The following SCN1A variants were observed in gnomAD, a reference collection of about 807,000 sequenced individuals.
The protein encoded by SCN1A is sodium voltage-gated channel alpha subunit 1.
A neutral mutation model predicts 193.7 loss-of-function variants in SCN1A; 13 were observed. That is an observed-to-expected ratio of 0.07 (90% CI 0.04 to 0.11). SCN1A has a LOEUF of 0.11. Ranked by LOEUF, SCN1A falls within the 10% of genes least tolerant of loss-of-function variation. The pLI is 1.00. For missense variants in SCN1A, 1,432 were observed against 2,451.1 expected (o/e 0.58, Z 8.78); for synonymous variants, 781 against 843.6 (o/e 0.93, Z 1.29).
chr2:166,074,173 T>C (rs991929435), intron 3 of SCN1A, among the ~76,000 whole-genome samples: 1 of 152,216 alleles, frequency 6.6e-6, no homozygotes, highest in Non-Finnish European at 1.5e-5. Context: ...AAATAGTTAT[T>C]GCTGTCTTGA....
intron 3 of SCN1A, among the ~76,000 whole-genome samples, chr2:166,076,007 A>AT (rs1350753446): frequency 2.6e-5 from 4 of 151,296 alleles, no homozygotes; most frequent in Admixed American, 2.0e-4. Context: ...TTTTCCTTCT[A>AT]TTTTTTTCAA....
chr2:166,003,940 C>G lies in SCN1A; in HGVS notation c.4003-1187G>C, dbSNP rs140971715. On this transcript the variant is annotated intron_variant, in intron 23 of 28. Transcript: ENST00000674923. ...ATCCCTGTTTAAAGCCTGTAAAGAACTCTAGGCCTTCTGGGGAACATAAAA... is the reference window on the plus strand; with the variant it reads ...ATCCCTGTTTAAAGCCTGTAAAGAAGTCTAGGCCTTCTGGGGAACATAAAA... 6.6e-5 allele frequency among the ~76,000 whole-genome samples: 10 copies of G among 151,084 alleles called. No homozygotes were observed. The East Asian group carries it at 2.0e-3, about 30-fold the overall frequency.
chr2:166,112,400 C>T, intron 2 of SCN1A, among the ~76,000 whole-genome samples: 1 of 152,216 alleles, frequency 6.6e-6, no homozygotes, highest in Admixed American at 6.5e-5. Flanking sequence ...TTTTTTTCAA[C>T]ATAATACTAT....
chr2:166,056,621 G>A (rs1699167947), intron 5 of SCN1A, 121 bp from the exon 6 acceptor site: 2 of 721,206 alleles, frequency 2.8e-6, no homozygotes, highest in Non-Finnish European at 5.1e-6. Flanking sequence ...ATGCATTGTG[G>A]GCAAGTCTTC....
rs1010116529 is a variant in SCN1A at position 166,096,283 on chromosome 2, C to CT, written c.-141-18483dup. Among the ~76,000 whole-genome samples, 53 of 149,162 alleles carry CT rather than the reference C, an allele frequency of 3.6e-4. 1 individual carries two copies. The highest frequency in any genetic ancestry group is 1.4e-3 in the Admixed American group (21 of 14,894). ...GTTGGAAATCAGGGATGAAAAATCACTTTTTTTTTTGGTTGTTGTTACAGA... is the reference window on the plus strand; with the variant it reads ...GTTGGAAATCAGGGATGAAAAATCACTTTTTTTTTTTGGTTGTTGTTACAGA... On this transcript the variant is annotated intron_variant, in intron 2 of 28. Coordinates refer to ENST00000674923, the MANE Select transcript of SCN1A (RefSeq NM_001165963.4).
At chr2:166,075,082 A>AAT (rs1684858721) in intron 3 of SCN1A, among the ~76,000 whole-genome samples, 1 of 152,168 alleles carries the variant, frequency 6.6e-6, no homozygotes. Flanking sequence ...GCATCAGGAA[A>AAT]ATACTAACAT....
chr2:166,069,435 G>A (rs1420590249), intron 4 of SCN1A, among the ~76,000 whole-genome samples: 8 of 152,234 alleles, frequency 5.3e-5, no homozygotes, highest in African/African-American at 1.9e-4. Context: ...TACATAATTT[G>A]CACATCTTAA....
chr2:165,999,652 TA>T, intron 25 of SCN1A, 70 bp downstream of exon 25: 1 of 1,098,548 alleles, frequency 9.1e-7, no homozygotes, highest in Non-Finnish European at 1.4e-6. Context: ...TTTGGTCGTT[TA>T]TGCTTTATTC....
At chr2:166,124,052 A>G (rs967940632) in intron 2 of SCN1A, among the ~76,000 whole-genome samples, 13 of 151,840 alleles carry the variant, frequency 8.6e-5, no homozygotes, top group Admixed American at 6.6e-4. Context: ...CATCCTCACT[A>G]TCTCTTTATC....
chr2:166,091,553 G>A (rs1335308945), intron 2 of SCN1A, among the ~76,000 whole-genome samples: 1 of 152,160 alleles, frequency 6.6e-6, no homozygotes, highest in African/African-American at 2.4e-5. Context: ...CATGGGTAAA[G>A]GACATGAACC....
chr2:166,094,732 A>T (rs1415726435), intron 2 of SCN1A, among the ~76,000 whole-genome samples: 1 of 151,844 alleles, frequency 6.6e-6, no homozygotes, highest in Non-Finnish European at 1.5e-5. Flanking sequence ...ATACCAATCA[A>T]CCAAACAACC....
At chr2:166,092,030 C>T (rs910153438) in intron 2 of SCN1A, among the ~76,000 whole-genome samples, 2 of 152,144 alleles carry the variant, frequency 1.3e-5, no homozygotes, top group African/African-American at 4.8e-5. Flanking sequence ...AGCCATAAAA[C>T]AACTGTTTAG....
At chr2:166,102,236 C>T (rs1306138149) in intron 2 of SCN1A, among the ~76,000 whole-genome samples, 3 of 152,188 alleles carry the variant, frequency 2.0e-5, no homozygotes, top group Non-Finnish European at 2.9e-5. Flanking sequence ...GTGACTCGCG[C>T]CTGCAATCCC....
At position 166,145,319 on chromosome 2, in the gene SCN1A, G is replaced by A. The variant is rs141164429; in HGVS notation, c.-50+3728C>T. Among the ~76,000 whole-genome samples, 44 of 152,180 alleles carry A rather than the reference G, an allele frequency of 2.9e-4. No individual in the cohort carries two copies. The East Asian group carries it at 8.5e-3, about 29-fold the overall frequency. On this transcript the variant is annotated intron_variant, in intron 1 of 26. Transcript: ENST00000635750. ...CCCCAAGTGCTGGGATTACAGGCAT[G>A]AGCCACCACTCCCGGCAGGGATCAT...
chr2:165,989,182 A>G lies in SCN1A; in HGVS notation c.*2063T>C, dbSNP rs1688820753. 1 of 152,574 alleles carries G rather than the reference A, an allele frequency of 6.6e-6. No individual in the cohort carries two copies. The highest frequency in any genetic ancestry group is 1.5e-5 in the Non-Finnish European group (1 of 68,016). 9.5% of individuals were successfully genotyped at this position (152,574 alleles called of 1,614,324 possible). A position where few individuals can be genotyped will look rare whatever the true frequency, so the allele number is the denominator to read the frequency against. On this transcript the variant is annotated 3_prime_UTR_variant, in exon 29 of 29. Coordinates refer to ENST00000674923, the MANE Select transcript of SCN1A (RefSeq NM_001165963.4). ...CAATAAAATAAAAAATGTAATCTTTATTAGTTTTGCACATTTTAAATGTTG... is the reference window on the plus strand; with the variant it reads ...CAATAAAATAAAAAATGTAATCTTTGTTAGTTTTGCACATTTTAAATGTTG...
intron 23 of SCN1A, 44 bp from the exon 24 acceptor site, chr2:166,002,797 G>A (rs1006372315): frequency 7.2e-6 from 11 of 1,534,040 alleles, no homozygotes; most frequent in Non-Finnish European, 9.7e-6. Context: ...ATTCTTATCT[G>A]TTAATAAAGA....
At chr2:166,023,385 G>GA (rs1694321111) in intron 19 of SCN1A, among the ~76,000 whole-genome samples, 1 of 152,204 alleles carries the variant, frequency 6.6e-6, no homozygotes, top group South Asian at 2.1e-4. Context: ...AAACTGGAAA[G>GA]AAACCCAGAC....
In SCN1A at chr2:165,992,526, A is replaced by T. The variant is rs1170326636; in HGVS notation, c.4853-104T>A. ...AGGTAAGGTTCAGAGTCCTGAACCC[A>T]GTTATATTAAATATGACAACTATAT... On this transcript the variant is annotated intron_variant, in intron 28 of 28. Coordinates refer to ENST00000674923, the MANE Select transcript of SCN1A (RefSeq NM_001165963.4). This position sits in a 1 kb window ranked among gnomAD's most constrained non-coding sequence, Gnocchi z 6.5. 3 of 1,064,918 alleles carry T rather than the reference A, an allele frequency of 2.8e-6. No homozygotes were observed. The African/African-American group carries it at 4.7e-5, about 17-fold the overall frequency. The allele number at this position is 1,064,918 out of a possible 1,614,324, so 66.0% of individuals were successfully genotyped here. A position where few individuals can be genotyped will look rare whatever the true frequency, so the allele number is the denominator to read the frequency against.
intron 5 of SCN1A, among the ~76,000 whole-genome samples, chr2:166,058,215 A>G (rs1330259706): frequency 1.3e-5 from 2 of 152,084 alleles, no homozygotes; most frequent in African/African-American, 2.4e-5. Context: ...TTATCATATC[A>G]TTGCTCACTG....
Sources: gnomAD v4.1 joint callset for allele counts (sites outside exome capture counted in the v4.1 genomes callset) on GRCh38, gnomAD v4.1.1 for gene constraint, Gnocchi (gnomAD v3.1) non-coding constraint, MANE v1.5 for transcripts, NCBI Gene and HGNC (gene_info 2026-07-23, HGNC 2026-07-21) for gene names.